SGCZ: variants seen among roughly 807,000 people sequenced by gnomAD.
SGCZ encodes sarcoglycan zeta, also known as zeta-sarcoglycan.
In SGCZ, 40 loss-of-function variants were observed where a neutral mutation model predicts 41.3. The ratio of observed to expected loss-of-function variants is 0.97; its 90% CI spans 0.75 to 1.26. SGCZ has a LOEUF of 1.26. Ranked by LOEUF, SGCZ falls within the 50% of genes most tolerant of loss-of-function variation. The pLI is 0.00. For missense variants in SGCZ, 552 were observed against 369.8 expected, an observed-to-expected ratio of 1.49 and a Z score of -4.04; for synonymous variants, 206 against 137.5, an observed-to-expected ratio of 1.50 and a Z score of -3.49.
At chr8:14,361,842 T>C (rs1803525590) in intron 2 of SGCZ, among the ~76,000 whole-genome samples, 1 of 152,348 alleles carries the variant, frequency 6.6e-6, no homozygotes, top group Non-Finnish European at 1.5e-5. Flanking sequence ...TTCTTAATGT[T>C]GGTGACCTAC....
intron 1 of SGCZ, among the ~76,000 whole-genome samples, chr8:15,086,002 G>A (rs994483777): frequency 1.3e-4 from 20 of 152,226 alleles, no homozygotes; most frequent in African/African-American, 3.1e-4. Flanking sequence ...CATACTTTCC[G>A]TGTTATTTTT....
chr8:14,312,934 C>A (rs1035941325), intron 3 of SGCZ, among the ~76,000 whole-genome samples: 3 of 152,092 alleles, frequency 2.0e-5, no homozygotes, highest in Admixed American at 6.6e-5. Flanking sequence ...ATTCTATAGA[C>A]ATTCCCTTCA....
intron 1 of SGCZ, among the ~76,000 whole-genome samples, chr8:15,063,159 C>G (rs13254178): frequency 0.47 from 71,351 of 151,914 alleles, 19,468 homozygotes; most frequent in Admixed American, 0.62. Context: ...TATGATTTCC[C>G]ACTAGTTCGA....
intron 1 of SGCZ, among the ~76,000 whole-genome samples, chr8:15,064,187 A>G: frequency 6.6e-6 from 1 of 152,084 alleles, no homozygotes; most frequent in East Asian, 1.9e-4. Context: ...CTGTGCTCCA[A>G]ACTCTTGCAT....
At chr8:14,224,148 GACTTTTATTTTAAAATGAT>G (rs1221847296) in intron 4 of SGCZ, among the ~76,000 whole-genome samples, 2 of 152,114 alleles carry the variant, frequency 1.3e-5, no homozygotes, top group Non-Finnish European at 2.9e-5. Flanking sequence ...ACACAAGTTT[GACTTTTATTTTAAAATGAT>G]ACAATATGGA....
chr8:14,721,777 G>A (rs1809894067), intron 1 of SGCZ, among the ~76,000 whole-genome samples: 1 of 152,124 alleles, frequency 6.6e-6, no homozygotes, highest in Non-Finnish European at 1.5e-5. Flanking sequence ...CTAAAAGTAA[G>A]ATGGAGATTT....
intron 3 of SGCZ, among the ~76,000 whole-genome samples, chr8:14,314,568 A>C (rs1197831678): frequency 1.3e-5 from 2 of 152,236 alleles, no homozygotes; most frequent in South Asian, 2.1e-4. Flanking sequence ...GGATTAAGTA[A>C]AGTAATAAGA....
At chr8:14,121,903 A>C (rs966134369) in intron 5 of SGCZ, among the ~76,000 whole-genome samples, 2 of 152,198 alleles carry the variant, frequency 1.3e-5, no homozygotes, top group African/African-American at 4.8e-5. Context: ...TGTCATATAC[A>C]TGTGCATACA....
intron 1 of SGCZ, among the ~76,000 whole-genome samples, chr8:15,170,128 ATT>A (rs72316839): frequency 0.27 from 41,514 of 151,744 alleles, 6,216 homozygotes; most frequent in East Asian, 0.59. Context: ...CAGTAATTAA[ATT>A]TTTTTCCATG....
chr8:14,610,579 T>C (rs1280203152), intron 1 of SGCZ, among the ~76,000 whole-genome samples: 3 of 152,122 alleles, frequency 2.0e-5, no homozygotes, highest in African/African-American at 7.2e-5. Flanking sequence ...TATTAATCTA[T>C]CTGATGTCAT....
rs140386913 is a variant in SGCZ at position 14,198,240 on chromosome 8, C to T, written c.425-33538G>A. ...CATCTCCATGCTGTCTCTGCTATCACTCTGTAGTCATTTGCAAGTTTTTCA... is the reference window on the plus strand; with the variant it reads ...CATCTCCATGCTGTCTCTGCTATCATTCTGTAGTCATTTGCAAGTTTTTCA... On this transcript the variant is annotated intron_variant, in intron 4 of 7. Coordinates refer to ENST00000382080, the MANE Select transcript of SGCZ (RefSeq NM_139167.4). 3.3e-3 allele frequency among the ~76,000 whole-genome samples: 497 copies of T among 152,296 alleles called. 1 individual carries two copies. The highest frequency in any genetic ancestry group is 4.3e-3 in the Non-Finnish European group (294 of 68,038).
At chr8:14,693,020 T>A (rs1808847499) in intron 1 of SGCZ, among the ~76,000 whole-genome samples, 1 of 152,178 alleles carries the variant, frequency 6.6e-6, no homozygotes, top group African/African-American at 2.4e-5. Flanking sequence ...GTGGCCAAGA[T>A]GCAACCGTGG....
chr8:14,452,118 T>C (rs1800611607), intron 2 of SGCZ, among the ~76,000 whole-genome samples: 1 of 152,094 alleles, frequency 6.6e-6, no homozygotes, highest in South Asian at 2.1e-4. Context: ...CAGGGACACA[T>C]CCAAACAATG....
At chr8:14,981,443 T>G (rs1490547074) in intron 1 of SGCZ, among the ~76,000 whole-genome samples, 1 of 152,214 alleles carries the variant, frequency 6.6e-6, no homozygotes, top group Non-Finnish European at 1.5e-5. Context: ...TGAAACGAAC[T>G]GAGTTAATTC....
chr8:14,519,883 A>C (rs17119609), intron 2 of SGCZ, among the ~76,000 whole-genome samples: 1 of 151,972 alleles, frequency 6.6e-6, no homozygotes, highest in Non-Finnish European at 1.5e-5. Context: ...TACACACTTC[A>C]ACCTTAACCT....
intron 1 of SGCZ, among the ~76,000 whole-genome samples, chr8:14,675,299 A>G (rs898084678): frequency 6.6e-6 from 1 of 151,826 alleles, no homozygotes; most frequent in African/African-American, 2.4e-5. Context: ...ATGCAAGAAC[A>G]GAACAATACA....
chr8:14,326,926 C>CA lies in SGCZ; in HGVS notation c.235-2723dup, dbSNP rs1362318771. Among the ~76,000 whole-genome samples, 3 of 151,864 alleles carry CA rather than the reference C, an allele frequency of 2.0e-5. No individual in the cohort carries two copies. In the South Asian group the frequency reaches 6.2e-4, roughly 32 times the overall value. ...AACAGAATTGACAGTGAGAGAAACT[C>CA]AAAAGTGAGGATTTGCTAGACAGGA... On this transcript the variant is annotated intron_variant, in intron 2 of 7. Transcript: ENST00000382080.
chr8:15,166,253 T>G (rs557058629), intron 1 of SGCZ, among the ~76,000 whole-genome samples: 2 of 150,616 alleles, frequency 1.3e-5, no homozygotes, highest in South Asian at 4.2e-4. Context: ...CTTTTTTTTT[T>G]TTTTCTTTTT....
intron 5 of SGCZ, among the ~76,000 whole-genome samples, chr8:14,127,576 C>G (rs552972850): frequency 4.6e-5 from 7 of 152,110 alleles, no homozygotes; most frequent in Non-Finnish European, 1.0e-4. Flanking sequence ...CTGCCTCAGC[C>G]TCCCGAGTAG....
Sources: gnomAD v4.1 joint callset for allele counts (sites outside exome capture counted in the v4.1 genomes callset) on GRCh38, gnomAD v4.1.1 for gene constraint, MANE v1.5 for transcripts, NCBI Gene and HGNC (gene_info 2026-07-23, HGNC 2026-07-21) for gene names.